The following HACD1 variants were observed in gnomAD, a reference collection of about 807,000 sequenced individuals.
The protein encoded by HACD1 is very-long-chain (3R)-3-hydroxyacyl-CoA dehydratase 1.
HACD1 carries 41 observed loss-of-function variants against 32.0 expected under a neutral mutation model. That is an observed-to-expected ratio of 1.28 (90% CI 1.00 to 1.66). The LOEUF is 1.66. HACD1 is among the 40% of genes most tolerant of loss of function. The pLI is 0.00. For missense variants in HACD1, 396 were observed against 380.1 expected, an observed-to-expected ratio of 1.04 and a Z score of -0.35; for synonymous variants, 142 against 139.0, an observed-to-expected ratio of 1.02 and a Z score of -0.15.
At chr10:17,607,979 G>T (rs1554817185) in intron 1 of HACD1, among the ~76,000 whole-genome samples, 1 of 152,002 alleles carries the variant, frequency 6.6e-6, no homozygotes, top group East Asian at 1.9e-4. Context: ...AAAACAAACA[G>T]AAAATATTTC....
At chr10:17,600,800 C>T (rs1035304823) in intron 4 of HACD1, among the ~76,000 whole-genome samples, 2 of 152,180 alleles carry the variant, frequency 1.3e-5, no homozygotes, top group East Asian at 1.9e-4. Context: ...TATACTGCAA[C>T]GCATACCGAG....
intron 4 of HACD1, among the ~76,000 whole-genome samples, chr10:17,601,594 G>A (rs1325038610): frequency 5.3e-5 from 8 of 152,060 alleles, no homozygotes; most frequent in Non-Finnish European, 1.2e-4. Context: ...AGTTAATGTT[G>A]TCTTTCTTCT....
intron 1 of HACD1, among the ~76,000 whole-genome samples, chr10:17,613,097 G>GGT (rs56074507): frequency 0.015 from 1,989 of 132,834 alleles, 19 homozygotes; most frequent in South Asian, 0.029. Context: ...TGCAATTTGG[G>GGT]GTGTGTGTGT....
intron 1 of HACD1, among the ~76,000 whole-genome samples, chr10:17,606,898 A>G (rs1250825356): frequency 6.6e-6 from 1 of 152,150 alleles, no homozygotes; most frequent in African/African-American, 2.4e-5. Flanking sequence ...TAACCCTATG[A>G]GGCGAGGGTC....
intron 1 of HACD1, 74 bp downstream of exon 1, chr10:17,617,009 C>T (rs1833097463): frequency 3.0e-6 from 4 of 1,315,674 alleles, no homozygotes; most frequent in Non-Finnish European, 3.9e-6. Flanking sequence ...CACCCCGGCC[C>T]GCGCCCCCTG....
Position 17,590,236 on chromosome 10 carries a change from T to G in HACD1, c.*128A>C. On this transcript the variant is annotated 3_prime_UTR_variant, in exon 7 of 7. Coordinates refer to ENST00000361271, the MANE Select transcript of HACD1 (RefSeq NM_014241.4). ...CACAAATACTGGCAAATACCACGTG[T>G]CTCAAGTTATATTTTAAGAAACCAT... is the stretch of plus-strand genomic sequence containing the variant. The G allele has an allele frequency of 1.6e-6, 1 of 631,240 alleles. No homozygotes were observed. The highest frequency in any genetic ancestry group is 1.9e-5 in the African/African-American group (1 of 53,362). The allele number at this position is 631,240 out of a possible 1,614,324, so 39.1% of individuals were successfully genotyped here. A position where few individuals can be genotyped will look rare whatever the true frequency, so the allele number is the denominator to read the frequency against.
In HACD1 at chr10:17,599,524, G is replaced by A. The variant is rs1342877094; in HGVS notation, c.484-113C>T. On this transcript the variant is annotated intron_variant, in intron 4 of 6. Coordinates refer to ENST00000361271, the MANE Select transcript of HACD1 (RefSeq NM_014241.4). ...ATTTATAATGGAATGTTAGGGTTAG[G>A]CAAATGCAATATAGAAAACTTAATG... 1.8e-5 allele frequency: 25 copies of A among 1,415,366 alleles called. No homozygotes were observed. The Middle Eastern group carries it at 5.8e-4, about 33-fold the overall frequency. 87.7% of individuals were successfully genotyped at this position (1,415,366 alleles called of 1,614,324 possible).
chr10:17,609,941 C>T (rs1351514477), intron 1 of HACD1, among the ~76,000 whole-genome samples: 2 of 150,616 alleles, frequency 1.3e-5, no homozygotes, highest in South Asian at 2.1e-4. Flanking sequence ...CGAGGATGCA[C>T]CACTGCACTC....
chr10:17,611,201 TG>T (rs1834230680), intron 1 of HACD1, among the ~76,000 whole-genome samples: 1 of 151,994 alleles, frequency 6.6e-6, no homozygotes, highest in Admixed American at 6.6e-5. Flanking sequence ...AGGGTTTCAC[TG>T]TGTTAGCCAG....
chr10:17,590,569 T>C, intron 6 of HACD1, 123 bp from the exon 7 acceptor site: 1 of 611,690 alleles, frequency 1.6e-6, no homozygotes, highest in Non-Finnish European at 2.7e-6. Context: ...GTTCCCTGGA[T>C]ATTTACAGAG....
chr10:17,596,229 A>C (rs1176916620), intron 5 of HACD1, among the ~76,000 whole-genome samples: 1 of 152,174 alleles, frequency 6.6e-6, no homozygotes. Context: ...AGAAGGGCAG[A>C]ATTATTTGCC....
chr10:17,597,366 G>C (rs1471198773), intron 5 of HACD1, among the ~76,000 whole-genome samples: 1 of 152,182 alleles, frequency 6.6e-6, no homozygotes, highest in African/African-American at 2.4e-5. Flanking sequence ...TGGAACTCCT[G>C]ACCTCAAGTG....
At chr10:17,612,364 C>T (rs1832997192) in intron 1 of HACD1, among the ~76,000 whole-genome samples, 1 of 152,126 alleles carries the variant, frequency 6.6e-6, no homozygotes, top group Non-Finnish European at 1.5e-5. Context: ...ATATACAATA[C>T]AGCAGATATT....
At chr10:17,599,030 G>T in intron 5 of HACD1, 1 of 477,868 alleles carries the variant, frequency 2.1e-6, no homozygotes, top group Non-Finnish European at 3.0e-6. Context: ...AAAAATGAAT[G>T]ACTAATTCTG....
intron 1 of HACD1, among the ~76,000 whole-genome samples, chr10:17,606,999 G>T (rs1834157367): frequency 1.3e-5 from 2 of 152,140 alleles, no homozygotes; most frequent in African/African-American, 4.8e-5. Context: ...AAGCCACTAT[G>T]CTGTGTCGGT....
At chr10:17,601,423 G>A (rs975055376) in intron 4 of HACD1, among the ~76,000 whole-genome samples, 1 of 152,174 alleles carries the variant, frequency 6.6e-6, no homozygotes, top group African/African-American at 2.4e-5. Context: ...ATTAACGAGT[G>A]CTGAATAGGT....
chr10:17,592,864 TA>T, intron 6 of HACD1, among the ~76,000 whole-genome samples: 1 of 152,258 alleles, frequency 6.6e-6, no homozygotes, highest in East Asian at 1.9e-4. Context: ...GGGGAAAACA[TA>T]TCTTTCACCA....
rs552944431 is a variant in HACD1 at position 17,605,363 on chromosome 10, A to G, written c.258-1316T>C. 1.0e-3 allele frequency among the ~76,000 whole-genome samples: 153 copies of G among 151,854 alleles called. 4 individuals are homozygous for G. In the South Asian group the frequency reaches 0.031, roughly 31 times the overall value. ...AACATGGTGAAACCCTGTCTCTACT[A>G]AAAATACGAAAATTAGCCAAGCATG... On this transcript the variant is annotated intron_variant, in intron 1 of 6. Transcript: ENST00000361271.
At chr10:17,605,391 G>A (rs1335524738) in intron 1 of HACD1, among the ~76,000 whole-genome samples, 1 of 151,762 alleles carries the variant, frequency 6.6e-6, no homozygotes, top group Admixed American at 6.6e-5. Context: ...CAAGCATGGT[G>A]GCGCACACCT....
Sources: allele counts gnomAD v4.1 joint callset (sites outside exome capture counted in the v4.1 genomes callset), GRCh38; gene constraint gnomAD v4.1.1; transcripts MANE v1.5; gene names NCBI Gene and HGNC (gene_info 2026-07-23, HGNC 2026-07-21).